APOO: variants seen among roughly 807,000 people sequenced by gnomAD.
APOO encodes the protein apolipoprotein O, also known as MICOS complex subunit MIC26.
A neutral mutation model predicts 23.1 loss-of-function variants in APOO; 11 were observed. The ratio of observed to expected loss-of-function variants is 0.48; its 90% CI spans 0.30 to 0.79. APOO has a LOEUF of 0.79. Among genes scored for constraint, APOO ranks in the 30% least tolerant of loss-of-function variants. APOO has a pLI of 0.07. For synonymous variants in APOO, 59 were observed against 54.8 expected (o/e 1.08, Z -0.34); for missense variants, 160 against 142.7 (o/e 1.12, Z -0.62).
At chrX:23,856,620 T>C (rs942341504) in intron 6 of APOO, among the ~76,000 whole-genome samples, 17 of 109,208 alleles carry the variant, frequency 1.6e-4, no homozygotes, top group Non-Finnish European at 2.9e-4. Flanking sequence ...AATGGCGCAA[T>C]CTTGGCTCAC....
At chrX:23,856,208 C>A in intron 7 of APOO, 94 bp downstream of exon 7, 1 of 901,779 alleles carries the variant, frequency 1.1e-6, no homozygotes. Flanking sequence ...ACAGAAAAAG[C>A]AATAAATCAA....
intron 5 of APOO, among the ~76,000 whole-genome samples, chrX:23,862,211 G>A (rs1336822327): frequency 9.0e-6 from 1 of 110,980 alleles, no homozygotes; most frequent in Non-Finnish European, 1.9e-5. Flanking sequence ...AAAGGAAACA[G>A]AAGAACTTCA....
At position 23,843,483 on chromosome X, in the gene APOO, G is replaced by T. The variant is rs190203010; in HGVS notation, c.562-3106C>A. Among the ~76,000 whole-genome samples, 3 of 109,482 alleles carry T rather than the reference G, an allele frequency of 2.7e-5. No homozygotes were observed. In the East Asian group the frequency reaches 8.6e-4, roughly 31 times the overall value. On this transcript the variant is annotated intron_variant, in intron 7 of 8. Coordinates refer to ENST00000379226, the MANE Select transcript of APOO (RefSeq NM_024122.5). ...ATTTTTTTTTGCATTTTCAGACAGA[G>T]AAAGTTTTATCTAGAATATTTTGTA... is the stretch of plus-strand genomic sequence containing the variant.
At chrX:23,889,882 C>T (rs1569242923) in intron 1 of APOO, among the ~76,000 whole-genome samples, 3 of 109,685 alleles carry the variant, frequency 2.7e-5, no homozygotes, top group Admixed American at 9.9e-5. Flanking sequence ...AGGATGGTCT[C>T]AATCTTCTGA....
chrX:23,841,720 T>G (rs1923991898), intron 7 of APOO, among the ~76,000 whole-genome samples: 1 of 109,440 alleles, frequency 9.1e-6, no homozygotes, highest in South Asian at 4.0e-4. Context: ...CCTCCTCACA[T>G]GCATGCACAC....
At chrX:23,854,774 C>G (rs1009963611) in intron 7 of APOO, among the ~76,000 whole-genome samples, 2 of 110,924 alleles carry the variant, frequency 1.8e-5, no homozygotes, top group African/African-American at 6.6e-5. Flanking sequence ...CCACCCGCCT[C>G]GGCCTCCCAA....
At chrX:23,834,979 T>C (rs1923587753) in intron 8 of APOO, among the ~76,000 whole-genome samples, 1 of 109,466 alleles carries the variant, frequency 9.1e-6, no homozygotes, top group Non-Finnish European at 1.9e-5. Flanking sequence ...TGCCTCAGCT[T>C]CCCAAAGTGC....
intron 1 of APOO, among the ~76,000 whole-genome samples, chrX:23,882,000 G>A (rs1348855191): frequency 1.9e-5 from 2 of 106,656 alleles, no homozygotes; most frequent in African/African-American, 3.5e-5. Flanking sequence ...TGCGAAGGCC[G>A]TGGCAGTTTT....
In APOO at chrX:23,846,490, C is replaced by T. The variant is rs755778824; in HGVS notation, c.562-6113G>A. Among the ~76,000 whole-genome samples the T allele has an allele frequency of 3.2e-3, 346 of 107,110 alleles. 1 individual carries two copies. Among genetic ancestry groups the T allele is most frequent in the Non-Finnish European group, 5.6e-3 (289 of 51,952 alleles). 93.0% of individuals were successfully genotyped at this position (107,110 alleles called of 115,157 possible). Reference sequence around the variant, plus strand: ...TACAAAAATTAGCCAGGCGTGGTGGCGCACGCCTGTAATCCCAGCTACTCA... The same window carrying T: ...TACAAAAATTAGCCAGGCGTGGTGGTGCACGCCTGTAATCCCAGCTACTCA... On this transcript the variant is annotated intron_variant, in intron 7 of 8. Coordinates refer to ENST00000379226, the MANE Select transcript of APOO (RefSeq NM_024122.5).
intron 5 of APOO, among the ~76,000 whole-genome samples, chrX:23,866,318 A>G (rs1456271618): frequency 8.9e-6 from 1 of 112,082 alleles, no homozygotes; most frequent in Non-Finnish European, 1.9e-5. Flanking sequence ...TTAGGGAAAA[A>G]TGTTGGTTCA....
At chrX:23,840,521 T>C in intron 7 of APOO, 144 bp from the exon 8 acceptor site, 2 of 431,939 alleles carry the variant, frequency 4.6e-6, no homozygotes, top group Non-Finnish European at 7.6e-6. Flanking sequence ...ACTTGGGGGG[T>C]TGTTGAAGAA....
At chrX:23,906,225 C>T (rs1464485067) in intron 1 of APOO, among the ~76,000 whole-genome samples, 1 of 112,866 alleles carries the variant, frequency 8.9e-6, no homozygotes, top group Non-Finnish European at 1.9e-5. Context: ...ACTGCCCAGC[C>T]AACCCAGATT....
At chrX:23,902,785 C>T (rs1371655735) in intron 1 of APOO, among the ~76,000 whole-genome samples, 1 of 111,762 alleles carries the variant, frequency 8.9e-6, no homozygotes, top group Admixed American at 9.5e-5. Flanking sequence ...AACACCTATA[C>T]TATTAACTCC....
intron 7 of APOO, among the ~76,000 whole-genome samples, chrX:23,843,629 G>C (rs1343881369): frequency 1.0e-5 from 1 of 95,249 alleles, no homozygotes; most frequent in Non-Finnish European, 2.1e-5. Context: ...CTGTCACCCA[G>C]GCTGGAGTGC....
chrX:23,871,785 C>T (rs1238990405), intron 4 of APOO, among the ~76,000 whole-genome samples: 1 of 111,806 alleles, frequency 8.9e-6, no homozygotes, highest in Non-Finnish European at 1.9e-5. Context: ...TCTCAATTTT[C>T]GAGGCCTGGC....
chrX:23,864,598 C>T (rs1418665197), intron 5 of APOO, among the ~76,000 whole-genome samples: 1 of 111,605 alleles, frequency 9.0e-6, no homozygotes, highest in African/African-American at 3.3e-5. Context: ...CACTGTACCC[C>T]GACAGAATGT....
In APOO at chrX:23,874,144, T is replaced by A. The variant is rs764405300; in HGVS notation, c.292+259A>T. Among the ~76,000 whole-genome samples, 22 of 111,711 alleles carry A rather than the reference T, an allele frequency of 2.0e-4. No homozygotes were observed. In the South Asian group the frequency reaches 7.8e-3, roughly 39 times the overall value. ...CACCTAGAAATGAGATTTCTTTTTT[T>A]TAAAGCAGTGTATCTGTACTTGCTA... On this transcript the variant is annotated intron_variant, in intron 4 of 8. Coordinates refer to ENST00000379226, the MANE Select transcript of APOO (RefSeq NM_024122.5).
chrX:23,876,563 G>A (rs1223134594), intron 3 of APOO, among the ~76,000 whole-genome samples: 2 of 110,709 alleles, frequency 1.8e-5, no homozygotes, highest in African/African-American at 6.6e-5. Flanking sequence ...CACCTTGGGA[G>A]GCCGAGGTGG....
At chrX:23,850,636 G>A (rs1601890649) in intron 7 of APOO, among the ~76,000 whole-genome samples, 2 of 111,789 alleles carry the variant, frequency 1.8e-5, no homozygotes, top group East Asian at 5.6e-4. Context: ...AGACCAGCCT[G>A]ACCAACATGG....
Sources: gnomAD v4.1 joint callset for allele counts (sites outside exome capture counted in the v4.1 genomes callset) on GRCh38, gnomAD v4.1.1 for gene constraint, MANE v1.5 for transcripts, NCBI Gene and HGNC (gene_info 2026-07-23, HGNC 2026-07-21) for gene names.